Variants in ACTR3C observed in about 807,000 individuals in gnomAD.
The protein encoded by ACTR3C is actin related protein 3C.
ACTR3C carries 18 observed loss-of-function variants against 26.3 expected under a neutral mutation model. The observed-to-expected ratio is 0.68, with a 90% CI of 0.47 to 1.01. The LOEUF is 1.01. ACTR3C is among the 50% of genes least tolerant of loss of function. ACTR3C has a pLI of 0.00. For missense variants in ACTR3C, 184 were observed against 250.7 expected, an observed-to-expected ratio of 0.73 and a Z score of 1.80; for synonymous variants, 55 against 94.5, an observed-to-expected ratio of 0.58 and a Z score of 2.42.
the ACTR3C span, among the ~76,000 whole-genome samples, chr7:150,091,987 C>CAAAAAAAAAAAAAAA: frequency 1.5e-4 from 3 of 19,418 alleles, no homozygotes; most frequent in African/African-American, 2.7e-4. Flanking sequence ...GACTCCGTCT[C>CAAAAAAAAAAAAAAA]AAAAAAAAAA....
At chr7:150,316,619 G>A (rs147903121) in intron 1 of ACTR3C, among the ~76,000 whole-genome samples, 241 of 151,880 alleles carry the variant, frequency 1.6e-3, no homozygotes, top group African/African-American at 5.6e-3. Flanking sequence ...CTGAGCAGCT[G>A]GGACTACAGA....
chr7:150,150,995 T>C, the ACTR3C span, among the ~76,000 whole-genome samples: 38 of 133,332 alleles, frequency 2.9e-4, no homozygotes, highest in East Asian at 2.4e-3. Context: ...TTTACCAGAT[T>C]TTGTTTTCCT....
the ACTR3C span, among the ~76,000 whole-genome samples, chr7:150,042,256 T>TCG: frequency 4.0e-5 from 1 of 25,074 alleles, no homozygotes; most frequent in Non-Finnish European, 7.2e-5. Flanking sequence ...GTCCCCACCC[T>TCG]TGCGGTGGGT....
At chr7:150,091,912 C>T in the ACTR3C span, among the ~76,000 whole-genome samples, 4 of 123,518 alleles carry the variant, frequency 3.2e-5, no homozygotes, top group South Asian at 2.9e-4. Context: ...GGCGTGAACC[C>T]GGGAGGCGGA....
the ACTR3C span, among the ~76,000 whole-genome samples, chr7:150,088,215 T>C: frequency 6.6e-6 from 1 of 152,220 alleles, no homozygotes; most frequent in Non-Finnish European, 1.5e-5. Context: ...TTCCCTTTGT[T>C]GTTTGTGCAT....
chr7:150,289,671 G>A lies in ACTR3C; in HGVS notation c.154-78C>T, dbSNP rs548255665. 9.6e-6 allele frequency: 15 copies of A among 1,569,574 alleles called. No individual in the cohort carries two copies. The South Asian group carries it at 1.4e-4, about 15-fold the overall frequency. On this transcript the variant is annotated intron_variant, in intron 3 of 7. Coordinates refer to ENST00000683684, the MANE Select transcript of ACTR3C (RefSeq NM_001164458.2). ...GCAGCCTGGACTCACGAGGTTTCCT[G>A]CCTCAGCCTCCCTGTCTGCCCCTCA...
the ACTR3C span, among the ~76,000 whole-genome samples, chr7:150,121,539 C>T: frequency 1.1e-3 from 168 of 148,050 alleles, no homozygotes; most frequent in Non-Finnish European, 5.6e-4. Flanking sequence ...TGTGAAGGAC[C>T]TCTTCAAGGA....
chr7:150,176,060 T>C, the ACTR3C span, among the ~76,000 whole-genome samples: 6 of 150,610 alleles, frequency 4.0e-5, no homozygotes, highest in Non-Finnish European at 5.9e-5. Flanking sequence ...TAACTTCTAA[T>C]TAGTATACTA....
chr7:149,975,035 A>G, the ACTR3C span, among the ~76,000 whole-genome samples: 3 of 152,344 alleles, frequency 2.0e-5, no homozygotes, highest in East Asian at 3.9e-4. Context: ...GAACACCTAC[A>G]TTAGAAGCGA....
At chr7:150,116,395 C>T in the ACTR3C span, among the ~76,000 whole-genome samples, 1,218 of 152,322 alleles carry the variant, frequency 8.0e-3, 15 homozygotes, top group African/African-American at 0.027. Context: ...TTCGTGCCCC[C>T]TGATGCCTTC....
At chr7:149,995,787 A>C in the ACTR3C span, among the ~76,000 whole-genome samples, 81,136 of 144,648 alleles carry the variant, frequency 0.56, 18,841 homozygotes, top group Middle Eastern at 0.64. Context: ...GACCAACCAC[A>C]GCTCCGTGAG....
intron 3 of ACTR3C, among the ~76,000 whole-genome samples, chr7:150,292,597 T>C (rs376700627): frequency 1.3e-5 from 2 of 148,942 alleles, no homozygotes; most frequent in African/African-American, 2.5e-5. Context: ...ATCTCCCGGG[T>C]TCAAGCGATT....
the ACTR3C span, among the ~76,000 whole-genome samples, chr7:150,071,519 A>T: frequency 2.0e-5 from 3 of 148,356 alleles, no homozygotes; most frequent in African/African-American, 7.5e-5. Context: ...TTTAAATCGG[A>T]AACATGGAAC....
At chr7:150,089,152 A>AT in the ACTR3C span, among the ~76,000 whole-genome samples, 5 of 152,126 alleles carry the variant, frequency 3.3e-5, no homozygotes, top group Non-Finnish European at 7.4e-5. Flanking sequence ...ACTGAGATTT[A>AT]TTTTTTAGAT....
At chr7:150,037,744 C>T in the ACTR3C span, among the ~76,000 whole-genome samples, 11 of 44,874 alleles carry the variant, frequency 2.5e-4, 1 homozygote, top group African/African-American at 6.1e-4. Context: ...GTCTGGCTCT[C>T]AGTCCCCACC....
the ACTR3C span, among the ~76,000 whole-genome samples, chr7:149,979,017 C>A: frequency 6.6e-6 from 1 of 152,118 alleles, no homozygotes; most frequent in African/African-American, 2.4e-5. Flanking sequence ...ATGCTACAGT[C>A]CTCGCTCAGA....
the ACTR3C span, among the ~76,000 whole-genome samples, chr7:150,111,840 C>T: frequency 1.4e-5 from 2 of 147,646 alleles, no homozygotes; most frequent in African/African-American, 5.1e-5. Context: ...CCTTTTTCTG[C>T]GCGGAGAAAT....
At chr7:149,887,500 C>G in the ACTR3C span, among the ~76,000 whole-genome samples, 21 of 152,346 alleles carry the variant, frequency 1.4e-4, no homozygotes, top group East Asian at 3.1e-3. Context: ...GGTGCCAGCA[C>G]TGGCTTCCTT....
chr7:150,011,071 C>G, the ACTR3C span, among the ~76,000 whole-genome samples: 1 of 149,848 alleles, frequency 6.7e-6, no homozygotes, highest in Admixed American at 6.7e-5. Context: ...GAAAGTTTCT[C>G]CAAGTTGCCT....
Sources: gnomAD v4.1 joint callset for allele counts (sites outside exome capture counted in the v4.1 genomes callset) on GRCh38, gnomAD v4.1.1 for gene constraint, MANE v1.5 for transcripts, NCBI Gene and HGNC (gene_info 2026-07-23, HGNC 2026-07-21) for gene names.